The following DYM variants were observed in gnomAD, a reference collection of about 807,000 sequenced individuals.
DYM encodes the protein dyggve-Melchior-Clausen syndrome protein.
DYM carries 78 observed loss-of-function variants against 93.1 expected under a neutral mutation model. That is an observed-to-expected ratio of 0.84 (90% confidence interval 0.70 to 1.01). The LOEUF (loss-of-function observed/expected upper bound fraction) is 1.01. Ranked by LOEUF, DYM falls within the 50% of genes least tolerant of loss-of-function variation. The pLI, the probability that DYM is intolerant of heterozygous loss-of-function variation, is 0.00. For synonymous variants in DYM, 321 were observed against 319.7 expected (o/e 1.00, Z -0.04); for missense variants, 789 against 845.0 (o/e 0.93, Z 0.82).
At chr18:49,222,138 A>T (rs2093386335) in intron 13 of DYM, among the ~76,000 whole-genome samples, 1 of 152,088 alleles carries the variant, frequency 6.6e-6, no homozygotes, top group South Asian at 2.1e-4. Context: ...CTTACTTAAA[A>T]TTAGTTATAA....
At position 49,408,410 on chromosome 18, in the gene DYM, C is replaced by T. The variant is rs147632607; in HGVS notation, c.141-16765G>A. On this transcript the variant is annotated intron_variant, in intron 2 of 17. Transcript: ENST00000675505. ...ATGTCTCTCCACATATATTTCTGAA[C>T]TTGTCCAATTATGTCCTTAACATAA... is the stretch of plus-strand genomic sequence containing the variant. 1.0e-3 allele frequency among the ~76,000 whole-genome samples: 158 copies of T among 152,308 alleles called. 1 individual carries two copies. Among genetic ancestry groups the T allele is most frequent in the Middle Eastern group, 6.8e-3 (2 of 294 alleles).
chr18:49,263,664 G>A (rs1046091585), intron 11 of DYM, among the ~76,000 whole-genome samples: 107 of 151,968 alleles, frequency 7.0e-4, no homozygotes, highest in African/African-American at 2.3e-3. Context: ...GGGAGGTGGA[G>A]GTTGCACCAA....
At chr18:49,293,975 C>G (rs1042177785) in intron 8 of DYM, among the ~76,000 whole-genome samples, 2 of 152,106 alleles carry the variant, frequency 1.3e-5, no homozygotes, top group African/African-American at 4.8e-5. Context: ...TTTAATCCAT[C>G]TTGAGTTAAT....
At chr18:49,208,677 A>C (rs934011244) in intron 14 of DYM, 7 of 152,146 alleles carry the variant, frequency 4.6e-5, no homozygotes, top group African/African-American at 1.7e-4. Context: ...TTAAATTCTA[A>C]ATGTTTGCTA....
At chr18:49,069,971 G>A (rs975633469) in intron 17 of DYM, among the ~76,000 whole-genome samples, 1 of 152,176 alleles carries the variant, frequency 6.6e-6, no homozygotes, top group Admixed American at 6.5e-5. Flanking sequence ...AACCCGGGGG[G>A]TGCAGGTTGT....
intron 15 of DYM, among the ~76,000 whole-genome samples, chr18:49,119,526 G>T (rs2082195380): frequency 6.6e-6 from 1 of 151,986 alleles, no homozygotes; most frequent in East Asian, 1.9e-4. Context: ...CAAGCACATG[G>T]GTATATACAA....
Position 49,332,022 on chromosome 18 carries a change from AAAAAAATCAAACTC to A in DYM, c.621-30_621-17del. 6.2e-7 allele frequency: 1 copy of A among 1,611,362 alleles called. No homozygotes were observed. Among genetic ancestry groups the A allele is most frequent in the Non-Finnish European group, 8.5e-7 (1 of 1,178,444 alleles). On this transcript the variant is annotated splice_polypyrimidine_tract_variant and intron_variant, in intron 7 of 17. Transcript: ENST00000675505. ...GTATGGAAGACTATACAAAAAGGAA[AAAAAAATCAAACTC>A]ATATTTATGGGAGTCATCTAATTCT...
intron 17 of DYM, 95 bp downstream of exon 17, chr18:49,097,307 T>C: frequency 8.9e-7 from 1 of 1,120,590 alleles, no homozygotes; most frequent in Non-Finnish European, 1.3e-6. Context: ...ATGTACTGGA[T>C]AAGCAGCATG....
chr18:49,331,218 TTA>T (rs2063284135), intron 8 of DYM, among the ~76,000 whole-genome samples: 2 of 152,166 alleles, frequency 1.3e-5, no homozygotes, highest in Non-Finnish European at 2.9e-5. Flanking sequence ...GAAGTTTCAT[TTA>T]TATAACTTCA....
At chr18:49,253,451 C>A (rs2094329983) in intron 13 of DYM, among the ~76,000 whole-genome samples, 1 of 152,156 alleles carries the variant, frequency 6.6e-6, no homozygotes, top group African/African-American at 2.4e-5. Context: ...CAGCTCAAGA[C>A]AAATATTTTC....
chr18:49,107,139 G>T (rs563074161), intron 16 of DYM, among the ~76,000 whole-genome samples: 3 of 151,968 alleles, frequency 2.0e-5, no homozygotes, highest in African/African-American at 4.8e-5. Context: ...TTCTCTTCTC[G>T]CTTCATTTCA....
At chr18:49,340,219 T>A (rs548892928) in intron 6 of DYM, among the ~76,000 whole-genome samples, 13 of 152,210 alleles carry the variant, frequency 8.5e-5, no homozygotes, top group African/African-American at 3.1e-4. Flanking sequence ...ACCAAAGTGC[T>A]GGGATTACAA....
intron 13 of DYM, among the ~76,000 whole-genome samples, chr18:49,229,150 A>T (rs373014027): frequency 6.6e-6 from 1 of 151,872 alleles, no homozygotes; most frequent in Non-Finnish European, 1.5e-5. Context: ...TATTAACCTA[A>T]TAATCTAATA....
chr18:49,212,457 T>C (rs2092826130), intron 13 of DYM, among the ~76,000 whole-genome samples: 1 of 151,990 alleles, frequency 6.6e-6, no homozygotes, highest in African/African-American at 2.4e-5. Flanking sequence ...TTTGGGAATG[T>C]GAGTTAAAGG....
chr18:49,394,067 T>C (rs191533111), intron 2 of DYM, among the ~76,000 whole-genome samples: 3 of 152,278 alleles, frequency 2.0e-5, no homozygotes, highest in Admixed American at 1.3e-4. Flanking sequence ...GTGTTAATGA[T>C]TGCATGATAA....
chr18:49,192,840 A>G (rs1322263595), intron 14 of DYM, among the ~76,000 whole-genome samples: 1 of 152,108 alleles, frequency 6.6e-6, no homozygotes, highest in Non-Finnish European at 1.5e-5. Flanking sequence ...TGGAGATTGC[A>G]TTGAAAAACG....
At chr18:49,376,052 T>G (rs2067480520) in intron 5 of DYM, among the ~76,000 whole-genome samples, 1 of 152,168 alleles carries the variant, frequency 6.6e-6, no homozygotes, top group Non-Finnish European at 1.5e-5. Context: ...GTTTTGGGAC[T>G]CAAACTGGCT....
At chr18:49,289,778 TATATATATATAC>T (rs2059981133) in intron 8 of DYM, among the ~76,000 whole-genome samples, 3 of 55,922 alleles carry the variant, frequency 5.4e-5, no homozygotes, top group Non-Finnish European at 1.0e-4. Context: ...TATATACACA[TATATATATATAC>T]ACACATATAT....
intron 14 of DYM, among the ~76,000 whole-genome samples, chr18:49,202,350 C>G (rs933725547): frequency 9.9e-5 from 15 of 151,916 alleles, no homozygotes; most frequent in Non-Finnish European, 2.2e-4. Context: ...CTACAACCTA[C>G]ACCTCCCAGC....
Sources: allele counts gnomAD v4.1 joint callset (sites outside exome capture counted in the v4.1 genomes callset), GRCh38; gene constraint gnomAD v4.1.1; transcripts MANE v1.5; gene names NCBI Gene and HGNC (gene_info 2026-07-23, HGNC 2026-07-21).